Variants in ROR1 observed in about 807,000 individuals in gnomAD.
ROR1 encodes the protein inactive tyrosine-protein kinase transmembrane receptor ROR1.
Under a neutral mutation model 78.8 loss-of-function variants are expected in ROR1, and 19 were observed. The observed-to-expected ratio is 0.24, with a 90% confidence interval of 0.17 to 0.35. The LOEUF is 0.35. Among genes scored for constraint, ROR1 ranks in the 10% least tolerant of loss-of-function variants. ROR1 has a pLI of 1.00. For synonymous variants in ROR1, 386 were observed against 433.6 expected, an observed-to-expected ratio of 0.89 and a Z score of 1.36; for missense variants, 917 against 1,177.8, an observed-to-expected ratio of 0.78 and a Z score of 3.24.
At chr1:64,160,283 T>G (rs1649901510) in intron 8 of ROR1, among the ~76,000 whole-genome samples, 1 of 147,792 alleles carries the variant, frequency 6.8e-6, no homozygotes, top group Non-Finnish European at 1.5e-5. Context: ...GCCCTCATTT[T>G]TTTTTCTGCT....
intron 1 of ROR1, among the ~76,000 whole-genome samples, chr1:63,797,567 C>T (rs1644768971): frequency 6.6e-6 from 1 of 152,206 alleles, no homozygotes; most frequent in Non-Finnish European, 1.5e-5. Context: ...CAAGGTCAAA[C>T]AATTAGTAGG....
intron 1 of ROR1, among the ~76,000 whole-genome samples, chr1:63,902,530 T>C (rs1645493857): frequency 6.6e-6 from 1 of 151,890 alleles, no homozygotes; most frequent in African/African-American, 2.4e-5. Flanking sequence ...CCACCAGGAT[T>C]CCCAGGCTGG....
intron 1 of ROR1, among the ~76,000 whole-genome samples, chr1:63,904,708 T>C (rs748416721): frequency 2.0e-5 from 3 of 152,162 alleles, no homozygotes; most frequent in Non-Finnish European, 2.9e-5. Context: ...CTGTTGTCCT[T>C]ATAAGACGAG....
chr1:63,932,375 A>T (rs551199870), intron 1 of ROR1, among the ~76,000 whole-genome samples: 1 of 152,138 alleles, frequency 6.6e-6, no homozygotes, highest in African/African-American at 2.4e-5. Context: ...AAATGAGGAA[A>T]AAAGGCAGCA....
At chr1:63,803,501 T>C (rs916081252) in intron 1 of ROR1, among the ~76,000 whole-genome samples, 3 of 152,114 alleles carry the variant, frequency 2.0e-5, no homozygotes, top group Non-Finnish European at 4.4e-5. Flanking sequence ...TGTGCCACCA[T>C]GCCCGCCTAA....
intron 1 of ROR1, among the ~76,000 whole-genome samples, chr1:63,867,090 A>G (rs918148398): frequency 6.6e-6 from 1 of 152,208 alleles, no homozygotes; most frequent in Non-Finnish European, 1.5e-5. Context: ...TGGCTCCTGT[A>G]CTTATACTGT....
chr1:64,095,781 C>T (rs1647282425), intron 4 of ROR1, among the ~76,000 whole-genome samples: 1 of 152,118 alleles, frequency 6.6e-6, no homozygotes. Flanking sequence ...AGAAATTAAA[C>T]TCAACATTCT....
intron 7 of ROR1, among the ~76,000 whole-genome samples, chr1:64,156,170 G>A (rs1294064478): frequency 2.0e-5 from 3 of 152,206 alleles, no homozygotes; most frequent in African/African-American, 7.2e-5. Context: ...GTTGCTTACA[G>A]CAATTCTGTG....
chr1:63,862,391 CAAAAAAAA>C (rs1164915396), intron 1 of ROR1, among the ~76,000 whole-genome samples: 7 of 56,822 alleles, frequency 1.2e-4, no homozygotes, highest in African/African-American at 3.7e-4. Flanking sequence ...GAGACTGTCT[CAAAAAAAA>C]AAAAAAAAAA....
intron 1 of ROR1, among the ~76,000 whole-genome samples, chr1:63,883,540 A>T (rs929832000): frequency 1.3e-5 from 2 of 152,170 alleles, no homozygotes; most frequent in African/African-American, 4.8e-5. Flanking sequence ...AGGACAAGAC[A>T]CAAAAGCCTT....
At position 63,802,670 on chromosome 1, in the gene ROR1, A is replaced by AT. The variant is rs902509024; in HGVS notation, c.91+28166dup. 2.0e-5 allele frequency among the ~76,000 whole-genome samples: 3 copies of AT among 152,100 alleles called. No homozygotes were observed. In the South Asian group the frequency reaches 6.2e-4, roughly 32 times the overall value. On this transcript the variant is annotated intron_variant, in intron 1 of 8. Transcript: ENST00000371079. Reference sequence around the variant, plus strand: ...TTTTGAAAGCAGTGATGAGACTTTGATTTTATTTAGATATTTATAATTTTC... The same window carrying AT: ...TTTTGAAAGCAGTGATGAGACTTTGATTTTTATTTAGATATTTATAATTTTC...
intron 1 of ROR1, among the ~76,000 whole-genome samples, chr1:63,848,421 G>A (rs1645094837): frequency 1.3e-5 from 2 of 152,076 alleles, no homozygotes; most frequent in African/African-American, 4.8e-5. Flanking sequence ...TCCTTCTTTT[G>A]TTAAACTTTA....
At chr1:63,876,977 A>C (rs1645290514) in intron 1 of ROR1, among the ~76,000 whole-genome samples, 1 of 152,054 alleles carries the variant, frequency 6.6e-6, no homozygotes, top group African/African-American at 2.4e-5. Context: ...AAACAACTCT[A>C]CCTGGTATGC....
intron 1 of ROR1, among the ~76,000 whole-genome samples, chr1:63,802,791 G>C (rs1238650091): frequency 6.6e-6 from 1 of 152,098 alleles, no homozygotes; most frequent in African/African-American, 2.4e-5. Context: ...CAACCTACAA[G>C]CAAATAAAGA....
intron 2 of ROR1, among the ~76,000 whole-genome samples, chr1:64,030,264 G>C (rs761181660): frequency 6.6e-6 from 1 of 152,144 alleles, no homozygotes; most frequent in African/African-American, 2.4e-5. Flanking sequence ...TGTTGGAAGT[G>C]ATGCCTTACA....
At chr1:64,161,321 G>A (rs1407602166) in intron 8 of ROR1, among the ~76,000 whole-genome samples, 1 of 152,132 alleles carries the variant, frequency 6.6e-6, no homozygotes, top group Non-Finnish European at 1.5e-5. Context: ...AATAGAGCTG[G>A]CCCTTGCTCT....
At chr1:63,951,705 G>A (rs570418421) in intron 1 of ROR1, among the ~76,000 whole-genome samples, 4 of 152,058 alleles carry the variant, frequency 2.6e-5, no homozygotes, top group African/African-American at 9.7e-5. Flanking sequence ...TTCTCTTAAA[G>A]ACACCCCCCC....
intron 1 of ROR1, among the ~76,000 whole-genome samples, chr1:63,787,234 CCTT>C (rs1644694084): frequency 1.3e-5 from 2 of 152,300 alleles, no homozygotes; most frequent in South Asian, 2.1e-4. Flanking sequence ...GCCTGTCAGT[CCTT>C]CTTTTGTCGT....
At chr1:63,927,829 A>G (rs925351263) in intron 1 of ROR1, among the ~76,000 whole-genome samples, 1 of 152,172 alleles carries the variant, frequency 6.6e-6, no homozygotes, top group African/African-American at 2.4e-5. Flanking sequence ...TTCCTCAACG[A>G]CTAGGCCTGT....
Sources: allele counts gnomAD v4.1 joint callset (sites outside exome capture counted in the v4.1 genomes callset), GRCh38; gene constraint gnomAD v4.1.1; transcripts MANE v1.5; gene names NCBI Gene and HGNC (gene_info 2026-07-23, HGNC 2026-07-21).